Variants in ANO3 observed in about 807,000 individuals in gnomAD.
ANO3 encodes anoctamin 3.
A neutral mutation model predicts 144.8 loss-of-function variants in ANO3; 99 were observed. The observed-to-expected ratio is 0.68, with a 90% CI of 0.58 to 0.81. The LOEUF is 0.81. ANO3 is among the 30% of genes least tolerant of loss of function. The probability of loss-of-function intolerance (pLI) is 0.00; values close to 1 mark genes in which losing one functional copy is unlikely to be tolerated. For synonymous variants in ANO3, 414 were observed against 392.6 expected (o/e 1.05, Z -0.64); for missense variants, 905 against 1,202.2 (o/e 0.75, Z 3.66).
intron 4 of ANO3, among the ~76,000 whole-genome samples, chr11:26,488,027 G>A (rs752393411): frequency 2.8e-4 from 42 of 152,156 alleles, no homozygotes; most frequent in Non-Finnish European, 4.6e-4. Flanking sequence ...TTAGCTGGGC[G>A]TGGTGGCACA....
chr11:26,280,354 G>C (rs1209180369), intron 1 of ANO3, among the ~76,000 whole-genome samples: 2 of 152,098 alleles, frequency 1.3e-5, no homozygotes, highest in African/African-American at 4.8e-5. Flanking sequence ...GTAAAGGGGA[G>C]TTTTTTAAGG....
chr11:26,484,460 G>A (rs900025089), intron 4 of ANO3, among the ~76,000 whole-genome samples: 2 of 152,146 alleles, frequency 1.3e-5, no homozygotes, highest in African/African-American at 4.8e-5. Flanking sequence ...TGTTAAGCCT[G>A]CATGTTCACA....
intron 1 of ANO3, among the ~76,000 whole-genome samples, chr11:26,206,499 G>T (rs1851796839): frequency 6.6e-6 from 1 of 152,012 alleles, no homozygotes; most frequent in South Asian, 2.1e-4. Context: ...ATTTTAATAA[G>T]AACTAATATC....
chr11:26,397,750 G>T (rs2133970558), intron 1 of ANO3, among the ~76,000 whole-genome samples: 1 of 152,108 alleles, frequency 6.6e-6, no homozygotes, highest in Non-Finnish European at 1.5e-5. Context: ...ATATAAAAAT[G>T]CCCACTGTAG....
At chr11:26,556,577 G>T (rs1400146294) in intron 13 of ANO3, among the ~76,000 whole-genome samples, 4 of 152,150 alleles carry the variant, frequency 2.6e-5, no homozygotes, top group African/African-American at 9.7e-5. Context: ...GGTCAAGGGT[G>T]AGGCCTCAAA....
chr11:26,540,136 G>A (rs1367047442), intron 10 of ANO3, among the ~76,000 whole-genome samples: 1 of 151,932 alleles, frequency 6.6e-6, no homozygotes, highest in Admixed American at 6.6e-5. Flanking sequence ...CCATATGACA[G>A]ATTTTTGAAA....
chr11:26,454,950 T>C (rs1315742509), intron 3 of ANO3, among the ~76,000 whole-genome samples: 1 of 142,542 alleles, frequency 7.0e-6, no homozygotes, highest in Admixed American at 7.4e-5. Flanking sequence ...ATCCAGCATA[T>C]AAACAGAGCC....
chr11:26,395,932 A>C (rs1253982236), intron 1 of ANO3, among the ~76,000 whole-genome samples: 1 of 152,192 alleles, frequency 6.6e-6, no homozygotes, highest in Non-Finnish European at 1.5e-5. Context: ...CAAAAGCCAA[A>C]ATTGACAAAT....
intron 4 of ANO3, among the ~76,000 whole-genome samples, chr11:26,493,984 A>G (rs1860822328): frequency 6.6e-6 from 1 of 152,174 alleles, no homozygotes; most frequent in Admixed American, 6.6e-5. Flanking sequence ...CTATGTTTGT[A>G]AAAGGATAGT....
intron 1 of ANO3, among the ~76,000 whole-genome samples, chr11:26,267,186 A>ACG (rs1853334579): frequency 6.7e-6 from 1 of 149,956 alleles, no homozygotes; most frequent in African/African-American, 2.4e-5. Context: ...GCACGCACGC[A>ACG]CACACACACA....
At chr11:26,539,622 A>C (rs1390325516) in intron 10 of ANO3, among the ~76,000 whole-genome samples, 2 of 152,154 alleles carry the variant, frequency 1.3e-5, no homozygotes, top group Non-Finnish European at 2.9e-5. Flanking sequence ...CATGTCTCTC[A>C]TGGCAACCTT....
intron 1 of ANO3, among the ~76,000 whole-genome samples, chr11:26,433,627 G>A (rs938453565): frequency 6.6e-6 from 1 of 152,102 alleles, no homozygotes; most frequent in Non-Finnish European, 1.5e-5. Context: ...TTTATTGAAA[G>A]CCTTTCTGCA....
intron 11 of ANO3, among the ~76,000 whole-genome samples, chr11:26,542,345 C>T (rs147708904): frequency 1.8e-4 from 28 of 152,110 alleles, no homozygotes; most frequent in Non-Finnish European, 3.2e-4. Context: ...GGAATAAAAA[C>T]ATATTACCAG....
intron 1 of ANO3, among the ~76,000 whole-genome samples, chr11:26,374,958 G>T (rs934964103): frequency 1.3e-5 from 2 of 152,088 alleles, no homozygotes; most frequent in Non-Finnish European, 2.9e-5. Flanking sequence ...TGGCCAGGCT[G>T]GTCTTTAACT....
chr11:26,221,679 G>T (rs1852146094), intron 1 of ANO3, among the ~76,000 whole-genome samples: 1 of 151,862 alleles, frequency 6.6e-6, no homozygotes, highest in African/African-American at 2.4e-5. Flanking sequence ...TCAGCTTTTG[G>T]TGAAGCCTCA....
intron 12 of ANO3, among the ~76,000 whole-genome samples, chr11:26,548,379 C>T (rs1478468768): frequency 1.3e-5 from 2 of 151,904 alleles, no homozygotes; most frequent in South Asian, 2.1e-4. Flanking sequence ...ATATTATCAA[C>T]TTTGACTTTG....
At chr11:26,599,380 G>A (rs1281076498) in intron 16 of ANO3, among the ~76,000 whole-genome samples, 170 bp from the exon 17 acceptor site, 1 of 152,106 alleles carries the variant, frequency 6.6e-6, no homozygotes, top group Non-Finnish European at 1.5e-5. Context: ...TGTCCTATTT[G>A]TTTTGACTAG....
intron 1 of ANO3, among the ~76,000 whole-genome samples, chr11:26,336,765 A>G (rs765216191): frequency 3.3e-5 from 5 of 152,136 alleles, no homozygotes; most frequent in Admixed American, 6.5e-5. Flanking sequence ...GGAGCCATTT[A>G]TACAGTGACA....
intron 1 of ANO3, among the ~76,000 whole-genome samples, chr11:26,324,435 T>G (rs1375995994): frequency 6.6e-6 from 1 of 152,128 alleles, no homozygotes; most frequent in Non-Finnish European, 1.5e-5. Context: ...TTTAATTGTA[T>G]CACAACATTT....
Sources: allele counts gnomAD v4.1 joint callset (sites outside exome capture counted in the v4.1 genomes callset), GRCh38; gene constraint gnomAD v4.1.1; transcripts MANE v1.5; gene names NCBI Gene and HGNC (gene_info 2026-07-23, HGNC 2026-07-21).